MCOLN2: variants seen among roughly 807,000 people sequenced by gnomAD.
MCOLN2 encodes the protein mucolipin-2.
Under a neutral mutation model 67.5 loss-of-function variants are expected in MCOLN2, and 57 were observed. That is an observed-to-expected ratio of 0.84 (90% confidence interval 0.68 to 1.05). The LOEUF is 1.05. Ranked by LOEUF, MCOLN2 falls within the 50% of genes least tolerant of loss-of-function variation. MCOLN2 has a pLI of 0.00. For synonymous variants in MCOLN2, 246 were observed against 233.3 expected, an observed-to-expected ratio of 1.05 and a Z score of -0.50; for missense variants, 620 against 678.8, an observed-to-expected ratio of 0.91 and a Z score of 0.96.
At position 84,988,457 on chromosome 1, in the gene MCOLN2, C is replaced by T. The variant is rs1158295824; in HGVS notation, c.77+8339G>A. Among the ~76,000 whole-genome samples the T allele has an allele frequency of 9.9e-5, 15 of 152,140 alleles. No individual in the cohort carries two copies. In the East Asian group the frequency reaches 2.5e-3, roughly 25 times the overall value. ...TGGGCATCAAGATTTTTATAAGTTA[C>T]TCAGGTGATTCTAATGTGTAGCAAA... On this transcript the variant is annotated intron_variant, in intron 1 of 13. Transcript: ENST00000370608.
At chr1:84,931,247 A>G in intron 12 of MCOLN2, 115 bp downstream of exon 12, 2 of 735,482 alleles carry the variant, frequency 2.7e-6, no homozygotes, top group East Asian at 5.3e-5. Context: ...AAGTTTGTCC[A>G]CAAAACCTCA....
At chr1:84,936,569 TG>T (rs1390747530) in intron 11 of MCOLN2, among the ~76,000 whole-genome samples, 2 of 152,200 alleles carry the variant, frequency 1.3e-5, no homozygotes, top group African/African-American at 4.8e-5. Flanking sequence ...ACATGGAGTA[TG>T]AAGAGCAATA....
chr1:84,948,308 C>T (rs72944593), intron 6 of MCOLN2, among the ~76,000 whole-genome samples: 11,487 of 152,256 alleles, frequency 0.075, 644 homozygotes, highest in African/African-American at 0.16. Context: ...GCTTAGGCCA[C>T]TGAGCCAATC....
Position 84,941,034 on chromosome 1 carries a change from G to A in MCOLN2, c.848-43C>T, listed in dbSNP as rs369200820. On this transcript the variant is annotated intron_variant, in intron 7 of 13. Transcript: ENST00000370608. ...ATTCAAATGTTAAACACACCTTACC[G>A]GAGAATAATTTCCAAACAAAATGGC... 4.7e-4 allele frequency: 601 copies of A among 1,281,482 alleles called. 3 individuals carry two copies. In the South Asian group the frequency reaches 6.7e-3, roughly 14 times the overall value. The allele number at this position is 1,281,482 out of a possible 1,614,324, so 79.4% of individuals were successfully genotyped here.
chr1:84,945,939 C>T (rs889760960), intron 7 of MCOLN2, among the ~76,000 whole-genome samples: 6 of 151,986 alleles, frequency 3.9e-5, no homozygotes, highest in Non-Finnish European at 7.4e-5. Context: ...AGTAGAGACG[C>T]GGTTTTGTCA....
At chr1:84,995,896 CAGG>C (rs1300969487) in intron 1 of MCOLN2, among the ~76,000 whole-genome samples, 1 of 151,852 alleles carries the variant, frequency 6.6e-6, no homozygotes, top group African/African-American at 2.4e-5. Flanking sequence ...TTTTTTATTA[CAGG>C]AGGTTAAATA....
chr1:84,960,158 T>A (rs1240163605), intron 2 of MCOLN2, among the ~76,000 whole-genome samples: 1 of 152,216 alleles, frequency 6.6e-6, no homozygotes, highest in Non-Finnish European at 1.5e-5. Context: ...ACTAAAGAAT[T>A]AGGAAAAATA....
intron 1 of MCOLN2, among the ~76,000 whole-genome samples, chr1:84,989,203 G>C (rs989852928): frequency 7.9e-5 from 12 of 151,988 alleles, no homozygotes; most frequent in African/African-American, 2.9e-4. Context: ...AAAAACAAAT[G>C]AATCAATAAT....
intron 6 of MCOLN2, among the ~76,000 whole-genome samples, chr1:84,949,094 C>T (rs1385190367): frequency 6.6e-6 from 1 of 152,206 alleles, no homozygotes; most frequent in African/African-American, 2.4e-5. Flanking sequence ...CACACCACTG[C>T]ACTCCAGCCT....
intron 1 of MCOLN2, among the ~76,000 whole-genome samples, chr1:84,994,983 T>C (rs189104281): frequency 2.8e-4 from 43 of 152,244 alleles, no homozygotes; most frequent in African/African-American, 9.4e-4. Flanking sequence ...TGGGCTAATT[T>C]CAATATTGTG....
chr1:84,929,361 G>A lies in MCOLN2; in HGVS notation c.1664+197C>T, dbSNP rs77911989. Among the ~76,000 whole-genome samples the A allele has an allele frequency of 8.3e-3, 1,267 of 152,292 alleles. 26 individuals carry two copies. The highest frequency in any genetic ancestry group is 0.029 in the African/African-American group (1,212 of 41,550). ...TTCTAAGAGATTCCAATCACATCGT[G>A]TAGCTTTCTACATAACCCTGTTTTA... On this transcript the variant is annotated intron_variant, in intron 13 of 13. Transcript: ENST00000370608.
Position 84,947,068 on chromosome 1 carries a change from AT to A in MCOLN2, c.811del (p.Ile271LeufsTer7). ...TATGTTCAAGTCTTTACATTCTTCA[AT>A]TTTGGCATCACTGTCAAAATAGATT... ...IKIYFDSDAK[I>X]EECKDLNIFG... is the part of the protein sequence containing the mutation. On this transcript the variant is annotated frameshift_variant, in exon 7 of 14. Transcript: ENST00000370608. LOFTEE classifies it high-confidence loss of function. 6.3e-7 allele frequency: 1 copy of A among 1,597,256 alleles called. No homozygotes were observed. Among genetic ancestry groups the A allele is most frequent in the Non-Finnish European group, 8.6e-7 (1 of 1,164,990 alleles).
chr1:84,978,089 G>GA (rs1282710289), intron 1 of MCOLN2, among the ~76,000 whole-genome samples: 22 of 152,032 alleles, frequency 1.4e-4, no homozygotes, highest in Non-Finnish European at 2.6e-4. Context: ...AGGAATTTTG[G>GA]AAACTATACA....
chr1:84,973,408 T>C (rs1276164648), intron 1 of MCOLN2, among the ~76,000 whole-genome samples: 3 of 151,994 alleles, frequency 2.0e-5, no homozygotes, highest in African/African-American at 7.2e-5. Flanking sequence ...AGCATAGGAG[T>C]TCAAGGCTGC....
chr1:84,942,268 C>T (rs1647831077), intron 7 of MCOLN2, among the ~76,000 whole-genome samples: 1 of 152,158 alleles, frequency 6.6e-6, no homozygotes, highest in Admixed American at 6.5e-5. Flanking sequence ...AGACACTGAC[C>T]TTTCATTACA....
At chr1:84,976,642 T>C (rs1650007521) in intron 1 of MCOLN2, among the ~76,000 whole-genome samples, 1 of 152,180 alleles carries the variant, frequency 6.6e-6, no homozygotes, top group Non-Finnish European at 1.5e-5. Flanking sequence ...GGCGCAGGCC[T>C]GTAATCCCAG....
At chr1:84,948,951 G>A (rs1648268132) in intron 6 of MCOLN2, among the ~76,000 whole-genome samples, 1 of 152,154 alleles carries the variant, frequency 6.6e-6, no homozygotes, top group Non-Finnish European at 1.5e-5. Flanking sequence ...CCAACATGGT[G>A]AAACCCCATC....
At chr1:84,944,350 T>A (rs1647969365) in intron 7 of MCOLN2, among the ~76,000 whole-genome samples, 1 of 152,028 alleles carries the variant, frequency 6.6e-6, no homozygotes, top group Non-Finnish European at 1.5e-5. Flanking sequence ...CTGGCCAATA[T>A]GATGAAACTC....
At chr1:84,989,366 TCTTA>T (rs1650771651) in intron 1 of MCOLN2, among the ~76,000 whole-genome samples, 2 of 152,162 alleles carry the variant, frequency 1.3e-5, no homozygotes, top group Admixed American at 1.3e-4. Flanking sequence ...TAAAAGTAAG[TCTTA>T]CTTAGTCAAG....
Sources: allele counts gnomAD v4.1 joint callset (sites outside exome capture counted in the v4.1 genomes callset), GRCh38; gene constraint gnomAD v4.1.1; transcripts MANE v1.5; gene names NCBI Gene and HGNC (gene_info 2026-07-23, HGNC 2026-07-21).